The following EDA variants were observed in gnomAD, a reference collection of about 807,000 sequenced individuals.
The protein encoded by EDA is ectodysplasin-A.
In EDA, 2 loss-of-function variants were observed where a neutral mutation model predicts 23.6. The ratio of observed to expected loss-of-function variants is 0.08; its 90% confidence interval spans 0.03 to 0.27. The LOEUF (loss-of-function observed/expected upper bound fraction) is 0.27. Among genes scored for constraint, EDA ranks in the 10% least tolerant of loss-of-function variants. EDA has a pLI of 1.00. For missense variants in EDA, 229 were observed against 324.2 expected, an observed-to-expected ratio of 0.71 and a Z score of 2.26; for synonymous variants, 131 against 132.0, an observed-to-expected ratio of 0.99 and a Z score of 0.05.
At chrX:69,981,169 ATC>A (rs1239093606) in intron 2 of EDA, among the ~76,000 whole-genome samples, 1 of 111,782 alleles carries the variant, frequency 8.9e-6, no homozygotes, top group Non-Finnish European at 1.9e-5. Context: ...AGTGGGGTTC[ATC>A]TCTCTTTACC....
intron 1 of EDA, among the ~76,000 whole-genome samples, chrX:69,705,350 A>G (rs2011676654): frequency 8.9e-6 from 1 of 112,113 alleles, no homozygotes; most frequent in South Asian, 3.8e-4. Flanking sequence ...AGTCCTCTGA[A>G]GATTAACTGT....
intron 1 of EDA, among the ~76,000 whole-genome samples, chrX:69,802,980 G>T (rs1263982440): frequency 9.0e-6 from 1 of 111,579 alleles, no homozygotes; most frequent in Non-Finnish European, 1.9e-5. Context: ...TTTGGAACCA[G>T]CCACCTGTAC....
chrX:69,627,715 T>C (rs1932438270), intron 1 of EDA, among the ~76,000 whole-genome samples: 1 of 112,382 alleles, frequency 8.9e-6, no homozygotes, highest in Admixed American at 9.4e-5. Flanking sequence ...TCACCTGTGT[T>C]ACTGAAGCTA....
At chrX:69,938,176 T>C (rs2018703822) in intron 1 of EDA, among the ~76,000 whole-genome samples, 1 of 111,577 alleles carries the variant, frequency 9.0e-6, no homozygotes, top group South Asian at 3.8e-4. Flanking sequence ...CCGGCGGCAG[T>C]GGCAGTGGCG....
At chrX:69,830,776 G>A (rs757590188) in intron 1 of EDA, among the ~76,000 whole-genome samples, 6 of 111,723 alleles carry the variant, frequency 5.4e-5, no homozygotes, top group Non-Finnish European at 7.5e-5. Context: ...GAATGTTTCC[G>A]AAATGCCAGC....
At chrX:69,834,830 A>G (rs975597478) in intron 1 of EDA, among the ~76,000 whole-genome samples, 2 of 111,536 alleles carry the variant, frequency 1.8e-5, no homozygotes, top group Non-Finnish European at 3.8e-5. Flanking sequence ...ACAATTTGGC[A>G]TGTTTTTGCA....
At chrX:69,895,610 T>G (rs902650536) in intron 1 of EDA, among the ~76,000 whole-genome samples, 2 of 111,886 alleles carry the variant, frequency 1.8e-5, no homozygotes, top group African/African-American at 6.5e-5. Flanking sequence ...AAATCCTACA[T>G]TATATAAATG....
chrX:69,625,485 T>G (rs759701702), intron 1 of EDA, among the ~76,000 whole-genome samples: 5 of 110,820 alleles, frequency 4.5e-5, no homozygotes, highest in Non-Finnish European at 7.6e-5. Flanking sequence ...GGCATATATA[T>G]CAATGGAACA....
At chrX:69,636,599 C>T (rs761520015) in intron 1 of EDA, among the ~76,000 whole-genome samples, 8 of 107,142 alleles carry the variant, frequency 7.5e-5, no homozygotes, top group African/African-American at 1.0e-4. Context: ...AGAACAATGT[C>T]ACGCACACCA....
chrX:69,954,082 G>A (rs1257019185), intron 1 of EDA, among the ~76,000 whole-genome samples: 1 of 110,815 alleles, frequency 9.0e-6, no homozygotes, highest in East Asian at 2.8e-4. Context: ...ATTTCAAAAG[G>A]GAAAAAATCC....
chrX:69,824,887 TA>T (rs1289386261), intron 1 of EDA, among the ~76,000 whole-genome samples: 30 of 74,510 alleles, frequency 4.0e-4, no homozygotes, highest in Non-Finnish European at 5.6e-4. Context: ...ATACCTAATT[TA>T]TTGAGAGTTT....
In EDA at chrX:70,038,597, C is replaced by T. The variant is rs1363798111; in HGVS notation, c.*2988C>T. 1 of 111,306 alleles carries T rather than the reference C, an allele frequency of 9.0e-6. No homozygotes were observed. Among genetic ancestry groups the T allele is most frequent in the African/African-American group, 3.3e-5 (1 of 30,495 alleles). 9.2% of individuals were successfully genotyped at this position (111,306 alleles called of 1,213,427 possible). On this transcript the variant is annotated 3_prime_UTR_variant, in exon 8 of 8. Transcript: ENST00000374552. ...AAGACAGCTGGCGGAGGCTGCTCGGCTACTGGTTACCTGGAGAAGTAGTAT... is the reference window on the plus strand; with the variant it reads ...AAGACAGCTGGCGGAGGCTGCTCGGTTACTGGTTACCTGGAGAAGTAGTAT...
intron 2 of EDA, among the ~76,000 whole-genome samples, chrX:69,959,858 T>C (rs181337892): frequency 1.5e-3 from 162 of 111,699 alleles, no homozygotes; most frequent in Non-Finnish European, 2.4e-3. Context: ...GCTATGCAAA[T>C]GTCTGGGGAA....
chrX:69,907,597 C>T (rs886980301), intron 1 of EDA, among the ~76,000 whole-genome samples: 1 of 110,948 alleles, frequency 9.0e-6, no homozygotes, highest in African/African-American at 3.3e-5. Flanking sequence ...AAGTCAGAGC[C>T]TTGTAAAAAA....
intron 1 of EDA, among the ~76,000 whole-genome samples, chrX:69,848,381 C>A (rs990376451): frequency 9.0e-6 from 1 of 111,305 alleles, no homozygotes; most frequent in African/African-American, 3.3e-5. Flanking sequence ...GTTCCTCTTG[C>A]TGAAGGGTCT....
intron 2 of EDA, among the ~76,000 whole-genome samples, chrX:69,962,991 T>A (rs1236885536): frequency 8.9e-6 from 1 of 111,906 alleles, no homozygotes; most frequent in Non-Finnish European, 1.9e-5. Context: ...ATCTGCACAT[T>A]GCTCTGTGGC....
intron 1 of EDA, among the ~76,000 whole-genome samples, chrX:69,954,496 T>C (rs1480294318): frequency 9.0e-6 from 1 of 111,674 alleles, no homozygotes; most frequent in East Asian, 2.8e-4. Context: ...CTCAAACCCA[T>C]AGTGGACTGA....
At chrX:69,701,974 C>T (rs937436422) in intron 1 of EDA, among the ~76,000 whole-genome samples, 4 of 110,708 alleles carry the variant, frequency 3.6e-5, no homozygotes, top group Admixed American at 1.9e-4. Context: ...GATATGGTCC[C>T]GGTCTTCTGG....
At chrX:69,905,889 T>A (rs2018170380) in intron 1 of EDA, among the ~76,000 whole-genome samples, 1 of 111,533 alleles carries the variant, frequency 9.0e-6, no homozygotes, top group African/African-American at 3.3e-5. Context: ...ATATCTCATA[T>A]GCCTAATATA....
Sources: allele counts gnomAD v4.1 joint callset (sites outside exome capture counted in the v4.1 genomes callset), GRCh38; gene constraint gnomAD v4.1.1; transcripts MANE v1.5; gene names NCBI Gene and HGNC (gene_info 2026-07-23, HGNC 2026-07-21).